DOCK1: variants seen among roughly 807,000 people sequenced by gnomAD.
DOCK1 encodes dedicator of cytokinesis 1, also known as dedicator of cytokinesis protein 1.
In DOCK1, 138 loss-of-function variants were observed where a neutral mutation model predicts 262.7. That is an observed-to-expected ratio of 0.53 (90% CI 0.46 to 0.61). The LOEUF (loss-of-function observed/expected upper bound fraction) is 0.61. Ranked by LOEUF, DOCK1 falls within the 20% of genes least tolerant of loss-of-function variation. The pLI is 0.00. For synonymous variants in DOCK1, 866 were observed against 867.4 expected (o/e 1.00, Z 0.03); for missense variants, 1,908 against 2,370.7 (o/e 0.80, Z 4.05).
intron 44 of DOCK1, among the ~76,000 whole-genome samples, chr10:127,416,583 A>G (rs1225615154): frequency 2.0e-5 from 3 of 152,208 alleles, no homozygotes; most frequent in Non-Finnish European, 4.4e-5. Context: ...AAATAATCCC[A>G]GAATGGCAGG....
At chr10:127,029,331 A>G (rs1233548561) in intron 16 of DOCK1, among the ~76,000 whole-genome samples, 1 of 152,238 alleles carries the variant, frequency 6.6e-6, no homozygotes, top group African/African-American at 2.4e-5. Flanking sequence ...CTGAGGCCAC[A>G]TTGGTCCCCA....
intron 37 of DOCK1, among the ~76,000 whole-genome samples, 167 bp downstream of exon 37, chr10:127,381,535 G>A (rs913458258): frequency 4.6e-5 from 7 of 152,236 alleles, no homozygotes; most frequent in Non-Finnish European, 8.8e-5. Flanking sequence ...GAAGTACTTT[G>A]ATTAGAGATT....
intron 29 of DOCK1, among the ~76,000 whole-genome samples, chr10:127,317,030 T>C (rs965467928): frequency 1.4e-4 from 22 of 152,272 alleles, no homozygotes; most frequent in African/African-American, 5.1e-4. Context: ...ACACGCCATA[T>C]CATTTTCCTG....
At chr10:127,205,533 G>T (rs554167809) in intron 27 of DOCK1, among the ~76,000 whole-genome samples, 4 of 152,202 alleles carry the variant, frequency 2.6e-5, no homozygotes, top group Non-Finnish European at 4.4e-5. Context: ...TCTTGATGGC[G>T]TAAGTGGATG....
chr10:127,343,682 C>CTGA lies in DOCK1; in HGVS notation c.3161_3162insGAT (p.Leu1054_Thr1055insIle), dbSNP rs2063520054. ...CTACTTTCACCTGGCTGTTGCTTTC[C>CTGA]TTACTCAAGAGTCCCTGCAACTGGA... On this transcript the variant is annotated inframe_insertion, in exon 31 of 52. Transcript: ENST00000623213. 2 of 1,611,532 alleles carry CTGA rather than the reference C, an allele frequency of 1.2e-6. No homozygotes were observed. Among genetic ancestry groups the CTGA allele is most frequent in the Admixed American group, 3.3e-5 (2 of 59,766 alleles).
At chr10:127,265,072 T>A (rs2060305776) in intron 29 of DOCK1, among the ~76,000 whole-genome samples, 1 of 152,212 alleles carries the variant, frequency 6.6e-6, no homozygotes, top group South Asian at 2.1e-4. Flanking sequence ...AAGAGATTAT[T>A]CTCTCAGTTA....
intron 26 of DOCK1, 110 bp from the exon 27 acceptor site, chr10:127,127,559 G>A: frequency 1.3e-6 from 1 of 770,158 alleles, no homozygotes; most frequent in Non-Finnish European, 2.0e-6. Flanking sequence ...TCTCATTAAG[G>A]GTTATAATTG....
chr10:127,168,265 G>A (rs2054258791), intron 27 of DOCK1, among the ~76,000 whole-genome samples: 1 of 152,222 alleles, frequency 6.6e-6, no homozygotes, highest in Admixed American at 6.5e-5. Context: ...GATTTAAAAT[G>A]TTTTGGGTTA....
At chr10:127,392,719 A>T (rs1337709294) in intron 38 of DOCK1, among the ~76,000 whole-genome samples, 2 of 152,010 alleles carry the variant, frequency 1.3e-5, no homozygotes, top group Non-Finnish European at 2.9e-5. Flanking sequence ...CCCCTGGGAG[A>T]GCGAAAGGCC....
intron 23 of DOCK1, among the ~76,000 whole-genome samples, chr10:127,105,691 A>G (rs2048489127): frequency 6.6e-6 from 1 of 152,212 alleles, no homozygotes; most frequent in South Asian, 2.1e-4. Context: ...TTCTGTTAAT[A>G]ATAATTTTAT....
intron 38 of DOCK1, among the ~76,000 whole-genome samples, chr10:127,390,707 G>A (rs6482846): frequency 0.1 from 15,361 of 152,090 alleles, 1,077 homozygotes; most frequent in African/African-American, 0.21. Flanking sequence ...GTGACTTGAC[G>A]CCCCCAGCAC....
rs1037905686 is a variant in DOCK1, at chr10:126,995,629, G to GGAGAGA, written c.474-1115_474-1110dup. 6.6e-6 allele frequency among the ~76,000 whole-genome samples: 1 copy of GGAGAGA among 152,104 alleles called. No homozygotes were observed. Among genetic ancestry groups the GGAGAGA allele is most frequent in the African/African-American group, 2.4e-5 (1 of 41,446 alleles). On this transcript the variant is annotated intron_variant, in intron 6 of 51. Coordinates refer to ENST00000623213, the MANE Select transcript of DOCK1 (RefSeq NM_001290223.2). The surrounding 1 kb of genome is among the most constrained non-coding windows in gnomAD (Gnocchi z 5.8). ...TGGCTCGGCATCAGAGGCAGACCGTGGAGAGAGAGGGAGAGGGAGACCGTG... is the reference window on the plus strand; with the variant it reads ...TGGCTCGGCATCAGAGGCAGACCGTGGAGAGAGAGAGAGAGGGAGAGGGAGACCGTG...
intron 27 of DOCK1, among the ~76,000 whole-genome samples, chr10:127,239,760 C>T (rs2059197893): frequency 6.6e-6 from 1 of 152,032 alleles, no homozygotes; most frequent in Non-Finnish European, 1.5e-5. Context: ...CTCTAAGGCT[C>T]TATTATTACG....
intron 28 of DOCK1, among the ~76,000 whole-genome samples, chr10:127,255,593 G>A (rs1251446217): frequency 1.3e-5 from 2 of 152,134 alleles, no homozygotes; most frequent in Non-Finnish European, 2.9e-5. Flanking sequence ...AAACAAGGAC[G>A]CCTTGCAGAA....
intron 1 of DOCK1, among the ~76,000 whole-genome samples, chr10:126,938,840 G>A (rs1408470579): frequency 2.6e-4 from 33 of 128,286 alleles, no homozygotes; most frequent in African/African-American, 9.9e-4. Context: ...AACACAGGAG[G>A]GGATGAACAC....
At chr10:127,004,969 G>C (rs2040902983) in intron 10 of DOCK1, among the ~76,000 whole-genome samples, 1 of 152,010 alleles carries the variant, frequency 6.6e-6, no homozygotes, top group Non-Finnish European at 1.5e-5. Flanking sequence ...GCACATCTGG[G>C]GAATTTTTTT....
At chr10:127,174,751 T>C (rs1201815684) in intron 27 of DOCK1, among the ~76,000 whole-genome samples, 1 of 152,238 alleles carries the variant, frequency 6.6e-6, no homozygotes, top group African/African-American at 2.4e-5. Flanking sequence ...TTATTTATTA[T>C]AAGCAAGTCA....
At chr10:127,442,538 C>T (rs2134763687) in intron 49 of DOCK1, among the ~76,000 whole-genome samples, 1 of 152,274 alleles carries the variant, frequency 6.6e-6, no homozygotes, top group Admixed American at 6.5e-5. Context: ...ATACAACTTA[C>T]TGATGGAACA....
intron 38 of DOCK1, among the ~76,000 whole-genome samples, chr10:127,399,061 A>G (rs527411746): frequency 6.6e-6 from 1 of 152,380 alleles, no homozygotes; most frequent in Admixed American, 6.5e-5. Context: ...GAAGATTATC[A>G]TCTCAAGAGA....
Sources: allele counts gnomAD v4.1 joint callset (sites outside exome capture counted in the v4.1 genomes callset), GRCh38; gene constraint gnomAD v4.1.1; non-coding constraint Gnocchi (gnomAD v3.1); transcripts MANE v1.5; gene names NCBI Gene and HGNC (gene_info 2026-07-23, HGNC 2026-07-21).